The following DEPTOR variants were observed in gnomAD, a reference collection of about 807,000 sequenced individuals.
The protein encoded by DEPTOR is DEP domain containing MTOR interacting protein, also known as DEP domain-containing mTOR-interacting protein.
A neutral mutation model predicts 41.6 loss-of-function variants in DEPTOR; 41 were observed. The observed-to-expected ratio is 0.98, with a 90% CI of 0.77 to 1.28. DEPTOR has a LOEUF of 1.28. Among genes scored for constraint, DEPTOR ranks in the 50% most tolerant of loss-of-function variants. The pLI, the probability that DEPTOR is intolerant of heterozygous loss-of-function variation, is 0.00. For synonymous variants in DEPTOR, 195 were observed against 192.3 expected, an observed-to-expected ratio of 1.01 and a Z score of -0.12; for missense variants, 514 against 527.9, an observed-to-expected ratio of 0.97 and a Z score of 0.26.
intron 4 of DEPTOR, among the ~76,000 whole-genome samples, chr8:119,977,283 A>G (rs565824401): frequency 3.9e-5 from 6 of 152,290 alleles, no homozygotes; most frequent in African/African-American, 1.4e-4. Context: ...AATTACAGGC[A>G]TGAGCCACTG....
At chr8:119,950,095 A>C (rs1586629043) in intron 3 of DEPTOR, among the ~76,000 whole-genome samples, 1 of 152,292 alleles carries the variant, frequency 6.6e-6, no homozygotes, top group Admixed American at 6.5e-5. Context: ...TTTGCATGTG[A>C]CTATCTAACT....
intron 1 of DEPTOR, among the ~76,000 whole-genome samples, chr8:119,894,145 T>A (rs1827484593): frequency 1.3e-5 from 2 of 152,050 alleles, no homozygotes; most frequent in South Asian, 4.2e-4. Flanking sequence ...GATGGCTCAC[T>A]GCAGCATTGA....
rs1206257673 is a variant in DEPTOR, at chr8:120,009,090, AGGCTGTAGACCCCAGT to A, written c.1062_1077del (p.Val355LeufsTer7). Reference sequence around the variant, plus strand: ...CGAGGAAGTAAGCCATGCCACATCCAGGCTGTAGACCCCAGTGGCCCTGCAGCCGCAGCAGGAATGA... The same window carrying A: ...CGAGGAAGTAAGCCATGCCACATCCAGGCCCTGCAGCCGCAGCAGGAATGA... On this transcript the variant is annotated frameshift_variant, in exon 8 of 9. Coordinates refer to ENST00000286234, the MANE Select transcript of DEPTOR (RefSeq NM_022783.4). LOFTEE classifies it high-confidence loss of function. 6.8e-6 allele frequency: 11 copies of A among 1,613,970 alleles called. No individual in the cohort carries two copies. Among genetic ancestry groups the A allele is most frequent in the Non-Finnish European group, 8.5e-6 (10 of 1,180,028 alleles).
At chr8:120,007,781 A>G (rs546019393) in intron 7 of DEPTOR, among the ~76,000 whole-genome samples, 1 of 152,320 alleles carries the variant, frequency 6.6e-6, no homozygotes, top group South Asian at 2.1e-4. Context: ...CCAGAGGAAA[A>G]GATAAACTCC....
intron 6 of DEPTOR, among the ~76,000 whole-genome samples, chr8:120,005,277 A>C (rs1030841025): frequency 6.6e-6 from 1 of 152,188 alleles, no homozygotes. Context: ...TTCTGTTTCC[A>C]TCTTGATATT....
At chr8:119,990,113 G>A (rs1812128948) in intron 4 of DEPTOR, among the ~76,000 whole-genome samples, 1 of 152,132 alleles carries the variant, frequency 6.6e-6, no homozygotes, top group Admixed American at 6.6e-5. Context: ...TAACAGTAGA[G>A]GTTCTTTCTA....
chr8:119,945,053 A>T (rs1828254254), intron 3 of DEPTOR, among the ~76,000 whole-genome samples: 1 of 152,002 alleles, frequency 6.6e-6, no homozygotes, highest in Non-Finnish European at 1.5e-5. Flanking sequence ...TTGATGTGTC[A>T]GTCTCTCCAG....
chr8:119,997,140 T>C (rs1812275162), intron 4 of DEPTOR, among the ~76,000 whole-genome samples: 1 of 152,184 alleles, frequency 6.6e-6, no homozygotes, highest in Non-Finnish European at 1.5e-5. Context: ...AGACAGAGTC[T>C]CACTATGTTT....
intron 4 of DEPTOR, among the ~76,000 whole-genome samples, chr8:119,996,978 T>C (rs1812270850): frequency 6.6e-6 from 1 of 152,220 alleles, no homozygotes; most frequent in Non-Finnish European, 1.5e-5. Context: ...ATGTAAAAAT[T>C]TGACTATCCA....
At chr8:120,035,021 GAC>G (rs1812958999) in intron 8 of DEPTOR, among the ~76,000 whole-genome samples, 1 of 117,590 alleles carries the variant, frequency 8.5e-6, no homozygotes, top group South Asian at 3.2e-4. Context: ...CATGTGTTAA[GAC>G]TCTGTGTCTC....
At chr8:119,922,676 A>T (rs1316412502) in intron 1 of DEPTOR, among the ~76,000 whole-genome samples, 1 of 152,238 alleles carries the variant, frequency 6.6e-6, no homozygotes. Flanking sequence ...CCCATAAAGC[A>T]GTTCAAACTG....
chr8:119,954,609 C>G (rs1055544072), intron 3 of DEPTOR, among the ~76,000 whole-genome samples: 1 of 152,178 alleles, frequency 6.6e-6, no homozygotes, highest in Non-Finnish European at 1.5e-5. Flanking sequence ...CCAGGTTACA[C>G]AGGGCCTCCT....
intron 6 of DEPTOR, among the ~76,000 whole-genome samples, chr8:120,004,853 G>C (rs1357831634): frequency 2.0e-5 from 3 of 151,874 alleles, no homozygotes; most frequent in African/African-American, 7.3e-5. Flanking sequence ...TTCTCAAGCA[G>C]ATGATCAGGC....
At chr8:119,921,505 G>C (rs1033338793) in intron 1 of DEPTOR, among the ~76,000 whole-genome samples, 1 of 151,940 alleles carries the variant, frequency 6.6e-6, no homozygotes, top group African/African-American at 2.4e-5. Flanking sequence ...TTTTAACCCC[G>C]GTGACATGTC....
intron 8 of DEPTOR, among the ~76,000 whole-genome samples, chr8:120,022,967 T>C (rs1166327024): frequency 1.3e-5 from 2 of 152,202 alleles, no homozygotes; most frequent in African/African-American, 4.8e-5. Flanking sequence ...CATGACAGTA[T>C]CGGTCAGTTA....
At chr8:119,893,102 A>G (rs1464358030) in intron 1 of DEPTOR, among the ~76,000 whole-genome samples, 1 of 152,166 alleles carries the variant, frequency 6.6e-6, no homozygotes, top group Non-Finnish European at 1.5e-5. Context: ...ATAATTTACA[A>G]TTACATCTTT....
At chr8:119,924,121 T>C (rs947549952) in intron 1 of DEPTOR, among the ~76,000 whole-genome samples, 2 of 152,218 alleles carry the variant, frequency 1.3e-5, no homozygotes, top group African/African-American at 2.4e-5. Context: ...ATTTGTTCCA[T>C]TGTTTTACAG....
chr8:119,887,133 C>CA (rs1563956956), intron 1 of DEPTOR, among the ~76,000 whole-genome samples: 1 of 12,710 alleles, frequency 7.9e-5, no homozygotes, highest in Non-Finnish European at 1.8e-4. Context: ...CCCCTCCCCC[C>CA]CCCCTCCCCT....
intron 1 of DEPTOR, among the ~76,000 whole-genome samples, chr8:119,882,294 T>C (rs1472047871): frequency 6.6e-6 from 1 of 152,234 alleles, no homozygotes; most frequent in Non-Finnish European, 1.5e-5. Context: ...GAGAAGAGAA[T>C]GCAAGGTGAA....
Sources: allele counts gnomAD v4.1 joint callset (sites outside exome capture counted in the v4.1 genomes callset), GRCh38; gene constraint gnomAD v4.1.1; transcripts MANE v1.5; gene names NCBI Gene and HGNC (gene_info 2026-07-23, HGNC 2026-07-21).